The following TTC39C variants were observed in gnomAD, a reference collection of about 807,000 sequenced individuals.
The protein encoded by TTC39C is tetratricopeptide repeat domain 39C, also known as tetratricopeptide repeat protein 39C.
In TTC39C, 33 loss-of-function variants were observed where a neutral mutation model predicts 76.3. That is an observed-to-expected ratio of 0.43 (90% CI 0.33 to 0.58). TTC39C has a LOEUF of 0.58. Among genes scored for constraint, TTC39C ranks in the 20% least tolerant of loss-of-function variants. The pLI is 0.04. For missense variants in TTC39C, 595 were observed against 701.4 expected (o/e 0.85, Z 1.71); for synonymous variants, 254 against 260.6 (o/e 0.97, Z 0.24).
intron 1 of TTC39C, chr18:24,022,632 A>T: frequency 2.0e-6 from 2 of 985,442 alleles, no homozygotes; most frequent in South Asian, 9.4e-5. Flanking sequence ...TCTGACACCC[A>T]GAAGCTATCC....
chr18:24,119,784 C>T (rs538364336), intron 8 of TTC39C, among the ~76,000 whole-genome samples: 8 of 152,226 alleles, frequency 5.3e-5, no homozygotes, highest in African/African-American at 1.7e-4. Context: ...GTGTTTAATA[C>T]GTTGAAGAGT....
chr18:24,028,552 T>C (rs1185762429), intron 1 of TTC39C, among the ~76,000 whole-genome samples: 1 of 152,188 alleles, frequency 6.6e-6, no homozygotes, highest in Non-Finnish European at 1.5e-5. Flanking sequence ...TACTAAAAAC[T>C]GAAGAAAAAT....
intron 4 of TTC39C, chr18:24,077,245 T>C (rs2145753044): frequency 6.6e-6 from 1 of 152,328 alleles, no homozygotes; most frequent in Admixed American, 6.5e-5. Context: ...CTTCCTTTAA[T>C]AAAGCTGAGG....
At chr18:24,118,742 T>C (rs1017972670) in intron 8 of TTC39C, among the ~76,000 whole-genome samples, 1 of 151,656 alleles carries the variant, frequency 6.6e-6, no homozygotes, top group African/African-American at 2.4e-5. Flanking sequence ...AGCCTCAACC[T>C]CCCAGGCTCA....
At chr18:24,036,259 A>G (rs947534485) in intron 1 of TTC39C, among the ~76,000 whole-genome samples, 3 of 152,216 alleles carry the variant, frequency 2.0e-5, no homozygotes, top group African/African-American at 4.8e-5. Context: ...CTATTTCTGC[A>G]TAGAAGACGT....
chr18:24,123,251 GA>G (rs1387925020), intron 8 of TTC39C, among the ~76,000 whole-genome samples: 2 of 152,172 alleles, frequency 1.3e-5, no homozygotes, highest in Non-Finnish European at 2.9e-5. Flanking sequence ...TTTGTTATGT[GA>G]AAAACTGTCT....
At chr18:24,024,562 G>A (rs2083574404) in intron 1 of TTC39C, among the ~76,000 whole-genome samples, 1 of 152,128 alleles carries the variant, frequency 6.6e-6, no homozygotes, top group Non-Finnish European at 1.5e-5. Context: ...GGCTGTTGAA[G>A]TGGTTTTAAT....
chr18:24,045,909 ATATATATATATATATATATTTTTTTTTT>A (rs1295865413), intron 1 of TTC39C, among the ~76,000 whole-genome samples: 1 of 38,122 alleles, frequency 2.6e-5, no homozygotes, highest in African/African-American at 1.6e-4. Context: ...ATATATATAT[ATATATATATATATATATATTTTTTTTTT>A]TTTTTTTTTT....
chr18:24,024,013 TATA>T (rs1428258327), intron 1 of TTC39C, among the ~76,000 whole-genome samples: 12 of 23,004 alleles, frequency 5.2e-4, no homozygotes, highest in African/African-American at 2.4e-3. Context: ...TATATATATA[TATA>T]TTTTTTTTTT....
At position 24,047,479 on chromosome 18, in the gene TTC39C, G is replaced by A. The variant is rs76351135; in HGVS notation, c.168-16661G>A. Among the ~76,000 whole-genome samples, 398 of 152,282 alleles carry A rather than the reference G, an allele frequency of 2.6e-3. 1 individual carries two copies. Among genetic ancestry groups the A allele is most frequent in the African/African-American group, 9.2e-3 (383 of 41,544 alleles). ...TACAACCCAGTTATTCAACTTTAAT[G>A]TGTATTTAATAGCACTTCTTCTCAA... On this transcript the variant is annotated intron_variant, in intron 1 of 13. Transcript: ENST00000317571.
rs1382141298 is a variant in TTC39C, at chr18:24,064,676, C to T, written c.216+488C>T. ...GGGCAATGTGGAAAATGGGATACTT[C>T]GATTTTTCGGAAATAGTAATAACCA... On this transcript the variant is annotated intron_variant, in intron 2 of 13. Coordinates refer to ENST00000317571, the MANE Select transcript of TTC39C (RefSeq NM_001135993.2). Among the ~76,000 whole-genome samples, 17 of 151,978 alleles carry T rather than the reference C, an allele frequency of 1.1e-4. No homozygotes were observed. In the East Asian group the frequency reaches 1.5e-3, roughly 14 times the overall value.
At chr18:24,119,972 C>A (rs564533056) in intron 8 of TTC39C, among the ~76,000 whole-genome samples, 1 of 150,986 alleles carries the variant, frequency 6.6e-6, no homozygotes, top group Non-Finnish European at 1.5e-5. Context: ...TTCCCCCCCC[C>A]CAATATTTGG....
chr18:24,022,713 G>A, intron 1 of TTC39C: 1 of 985,418 alleles, frequency 1.0e-6, no homozygotes, highest in Non-Finnish European at 1.2e-6. Flanking sequence ...GTGGCTCCCA[G>A]TCTTGTGTAG....
intron 1 of TTC39C, among the ~76,000 whole-genome samples, chr18:24,045,913 A>T (rs200024787): frequency 1.4e-3 from 58 of 41,378 alleles, no homozygotes; most frequent in African/African-American, 5.5e-3. Flanking sequence ...ATATATATAT[A>T]TATATATATA....
chr18:24,130,323 G>A lies in TTC39C; in HGVS notation c.1529G>A (p.Arg510Gln), dbSNP rs1196234062. ...NSEDAVQYFQRAVKDELCRQN... is the reference protein window; with the variant it reads ...NSEDAVQYFQQAVKDELCRQN... The stretch of plus-strand genomic sequence containing the variant: ...TTGCATTCCTTTCAGTACTTCCAGC[G>A]AGCTGTTAAAGATGAATTGTGTCGT... Residue 510 changes from arginine (R) to glutamine (Q), a missense_variant, in exon 12 of 14, where the codon CGA (arginine) becomes CAA (glutamine). Coordinates refer to ENST00000317571, the MANE Select transcript of TTC39C (RefSeq NM_001135993.2). 9 of 1,570,900 alleles carry A rather than the reference G, an allele frequency of 5.7e-6. No individual in the cohort carries two copies. The highest frequency in any genetic ancestry group is 1.7e-4 in the Middle Eastern group (1 of 5,982).
chr18:23,995,167 CTG>C (rs2083251263), intron 1 of TTC39C, among the ~76,000 whole-genome samples: 1 of 152,108 alleles, frequency 6.6e-6, no homozygotes, highest in African/African-American at 2.4e-5. Context: ...CATTTCAAGA[CTG>C]TTAAATAAAT....
At chr18:24,053,495 T>C (rs2083978391) in intron 1 of TTC39C, among the ~76,000 whole-genome samples, 2 of 152,256 alleles carry the variant, frequency 1.3e-5, no homozygotes, top group Non-Finnish European at 2.9e-5. Flanking sequence ...TCTCTGTGAT[T>C]GCTGCAACAT....
chr18:24,066,655 G>A (rs1220689177), intron 3 of TTC39C, among the ~76,000 whole-genome samples: 1 of 152,216 alleles, frequency 6.6e-6, no homozygotes, highest in Non-Finnish European at 1.5e-5. Flanking sequence ...TACTTGGAGT[G>A]CCCAAGGGTC....
In TTC39C at chr18:24,082,980, G is replaced by C. The variant is rs1408281098; in HGVS notation, c.883G>C (p.Ala295Pro). ...TGCCTTGGATGGCAGTGATAACAAG[G>C]CAGGCCTGGATGAAGCTAAGGAAAT... ...FFALDGSDNK[A>P]GLDEAKEILL... The change falls in exon 6 of 14, where the codon GCA becomes CCA. Residue 295 changes from alanine (A) to proline (P), a missense_variant. By Grantham distance (27) the Ala-to-Pro change is conservative. Transcript: ENST00000317571. The C allele has an allele frequency of 1.9e-6, 3 of 1,613,958 alleles. No homozygotes were observed. The highest frequency in any genetic ancestry group is 1.7e-5 in the Admixed American group (1 of 59,990).
Sources: gnomAD v4.1 joint callset for allele counts (sites outside exome capture counted in the v4.1 genomes callset) on GRCh38, gnomAD v4.1.1 for gene constraint, MANE v1.5 for transcripts, NCBI Gene and HGNC (gene_info 2026-07-23, HGNC 2026-07-21) for gene names.